Variants in SYT13 observed in about 807,000 individuals in gnomAD.
SYT13 encodes the protein synaptotagmin-13.
In SYT13, 21 loss-of-function variants were observed where a neutral mutation model predicts 38.6. That is an observed-to-expected ratio of 0.54 (90% CI 0.39 to 0.78). The LOEUF (loss-of-function observed/expected upper bound fraction) is 0.78, where lower values mean the gene tolerates loss of function less well. SYT13 is among the 30% of genes least tolerant of loss of function. SYT13 has a pLI of 0.00. For synonymous variants in SYT13, 241 were observed against 237.6 expected, an observed-to-expected ratio of 1.01 and a Z score of -0.13; for missense variants, 495 against 548.7, an observed-to-expected ratio of 0.90 and a Z score of 0.98.
intron 1 of SYT13, among the ~76,000 whole-genome samples, chr11:45,273,075 T>C (rs1854969638): frequency 6.6e-6 from 1 of 152,190 alleles, no homozygotes; most frequent in South Asian, 2.1e-4. Flanking sequence ...GATGGCACAT[T>C]ATAACTGGGT....
chr11:45,267,269 C>T (rs1333684654), intron 1 of SYT13, among the ~76,000 whole-genome samples: 1 of 152,222 alleles, frequency 6.6e-6, no homozygotes, highest in African/African-American at 2.4e-5. Flanking sequence ...GCCACCGCCT[C>T]CCATTTCTAG....
intron 4 of SYT13, among the ~76,000 whole-genome samples, chr11:45,251,764 C>T (rs542987340): frequency 6.6e-6 from 1 of 152,292 alleles, no homozygotes; most frequent in South Asian, 2.1e-4. Flanking sequence ...CCTTCTTTCC[C>T]ACTTGTGGCC....
At chr11:45,280,903 T>C (rs1402067455) in intron 1 of SYT13, among the ~76,000 whole-genome samples, 1 of 152,228 alleles carries the variant, frequency 6.6e-6, no homozygotes, top group Non-Finnish European at 1.5e-5. Context: ...TATTGTTTGA[T>C]AGAAATTCAG....
chr11:45,271,583 C>CA (rs950440868), intron 1 of SYT13, among the ~76,000 whole-genome samples: 3 of 151,782 alleles, frequency 2.0e-5, no homozygotes, highest in Non-Finnish European at 4.4e-5. Context: ...GAATGCCAAG[C>CA]AAAAAAATCT....
chr11:45,244,034 AGGCAGCTG>A lies in SYT13; in HGVS notation c.*10_*17del. The A allele has an allele frequency of 6.3e-7, 1 of 1,578,248 alleles. No homozygotes were observed. Among genetic ancestry groups the A allele is most frequent in the Non-Finnish European group, 8.6e-7 (1 of 1,165,524 alleles). ...ACGGGTCAGGGCTGTCCAAGAAGGG[AGGCAGCTG>A]GGCAGCTGGTTACAGGTGCAGCTGG... On this transcript the variant is annotated 3_prime_UTR_variant, in exon 6 of 6. Coordinates refer to ENST00000020926, the MANE Select transcript of SYT13 (RefSeq NM_020826.3).
Position 45,242,233 on chromosome 11 carries a change from G to C in SYT13, c.*1819C>G, listed in dbSNP as rs1177890776. The C allele has an allele frequency of 6.6e-6, 1 of 152,182 alleles. No individual in the cohort carries two copies. The highest frequency in any genetic ancestry group is 1.5e-5 in the Non-Finnish European group (1 of 68,060). 9.4% of individuals were successfully genotyped at this position (152,182 alleles called of 1,614,324 possible). The stretch of plus-strand genomic sequence containing the variant: ...GAATCCATGGTTCTGGAAATGCCAC[G>C]ATGCTTCTGGCACTTTCTGGGCATT... On this transcript the variant is annotated 3_prime_UTR_variant, in exon 6 of 6. Coordinates refer to ENST00000020926, the MANE Select transcript of SYT13 (RefSeq NM_020826.3).
intron 4 of SYT13, among the ~76,000 whole-genome samples, chr11:45,249,568 A>G (rs1854649729): frequency 6.6e-6 from 1 of 152,264 alleles, no homozygotes; most frequent in Admixed American, 6.5e-5. Context: ...CTATGCAGCC[A>G]TAAAAAAGGA....
intron 1 of SYT13, among the ~76,000 whole-genome samples, chr11:45,283,384 T>C (rs921892848): frequency 2.2e-4 from 33 of 152,206 alleles, no homozygotes; most frequent in African/African-American, 7.7e-4. Context: ...CCATACCTTC[T>C]TTCCTCAAGG....
chr11:45,262,721 TCACACACA>T (rs71451610), intron 1 of SYT13, among the ~76,000 whole-genome samples: 2,515 of 78,240 alleles, frequency 0.032, 66 homozygotes, highest in African/African-American at 0.062. Flanking sequence ...GGAGATCCTA[TCACACACA>T]CACACACACA....
intron 1 of SYT13, among the ~76,000 whole-genome samples, chr11:45,263,724 G>T (rs1854847983): frequency 6.6e-6 from 1 of 152,216 alleles, no homozygotes; most frequent in Non-Finnish European, 1.5e-5. Flanking sequence ...ACACTAACGT[G>T]TATATAATGA....
intron 5 of SYT13, among the ~76,000 whole-genome samples, chr11:45,245,442 G>A (rs958714379): frequency 6.6e-6 from 1 of 152,176 alleles, no homozygotes; most frequent in African/African-American, 2.4e-5. Context: ...TTGTCTAAAG[G>A]GAATGAGATA....
intron 1 of SYT13, among the ~76,000 whole-genome samples, chr11:45,275,452 T>C (rs796450201): frequency 1.6e-4 from 25 of 152,172 alleles, no homozygotes; most frequent in African/African-American, 6.0e-4. Flanking sequence ...CCTAAAAACA[T>C]GGTGATTAGC....
chr11:45,260,083 G>C (rs1230395695), intron 1 of SYT13, among the ~76,000 whole-genome samples: 1 of 152,188 alleles, frequency 6.6e-6, no homozygotes, highest in South Asian at 2.1e-4. Flanking sequence ...CATGACCCTG[G>C]TGTAGAGAAA....
At chr11:45,281,428 G>A (rs911796925) in intron 1 of SYT13, among the ~76,000 whole-genome samples, 11 of 152,108 alleles carry the variant, frequency 7.2e-5, no homozygotes, top group Non-Finnish European at 1.2e-4. Flanking sequence ...CACTTTGGGA[G>A]GCCGAGGTGG....
chr11:45,244,158 T>C lies in SYT13; in HGVS notation c.1175A>G (p.His392Arg), dbSNP rs1290172069. ...DDSGQSCALG[H>R]CSLGLHTSGS... ...CGAGGTGTGCAGGCCCAGGCTGCAGTGGCCAAGCGCACAGCTCTGCCCTGA... is the reference window on the plus strand; with the variant it reads ...CGAGGTGTGCAGGCCCAGGCTGCAGCGGCCAAGCGCACAGCTCTGCCCTGA... Residue 392 changes from histidine to arginine, a missense_variant, in exon 6 of 6, where the codon CAC becomes CGC. Coordinates refer to ENST00000020926, the MANE Select transcript of SYT13 (RefSeq NM_020826.3). 2 of 1,613,986 alleles carry C rather than the reference T, an allele frequency of 1.2e-6. No homozygotes were observed. The highest frequency in any genetic ancestry group is 1.7e-6 in the Non-Finnish European group (2 of 1,180,042).
intron 1 of SYT13, chr11:45,258,557 C>A (rs1854775830): frequency 6.6e-6 from 1 of 152,164 alleles, no homozygotes; most frequent in African/African-American, 2.4e-5. Flanking sequence ...TAGGGATGAT[C>A]ACAAACAGGT....
At chr11:45,263,125 G>A (rs771289126) in intron 1 of SYT13, among the ~76,000 whole-genome samples, 1 of 152,170 alleles carries the variant, frequency 6.6e-6, no homozygotes, top group Non-Finnish European at 1.5e-5. Flanking sequence ...TCTGCCTCCA[G>A]TAATAATCCA....
intron 1 of SYT13, among the ~76,000 whole-genome samples, chr11:45,278,285 G>A (rs544817128): frequency 6.6e-6 from 1 of 152,290 alleles, no homozygotes; most frequent in South Asian, 2.1e-4. Flanking sequence ...AGAAGAAGGT[G>A]GAAGCGGGAG....
chr11:45,276,649 G>T (rs1855013826), intron 1 of SYT13, among the ~76,000 whole-genome samples: 1 of 150,274 alleles, frequency 6.7e-6, no homozygotes, highest in Non-Finnish European at 1.5e-5. Context: ...TTTTTTTTTA[G>T]ATATTAAAAG....
Sources: gnomAD v4.1 joint callset for allele counts (sites outside exome capture counted in the v4.1 genomes callset) on GRCh38, gnomAD v4.1.1 for gene constraint, MANE v1.5 for transcripts, NCBI Gene and HGNC (gene_info 2026-07-23, HGNC 2026-07-21) for gene names.